PKD1L3: variants seen among roughly 807,000 people sequenced by gnomAD.
PKD1L3 encodes polycystin 1 like 3, transient receptor potential channel interacting, also known as polycystin-1-like protein 3.
A neutral mutation model predicts 184.1 loss-of-function variants in PKD1L3; 239 were observed. That is an observed-to-expected ratio of 1.30 (90% CI 1.17 to 1.45). The LOEUF is 1.45. Ranked by LOEUF, PKD1L3 falls within the 40% of genes most tolerant of loss-of-function variation. The pLI is 0.00. For synonymous variants in PKD1L3, 996 were observed against 778.8 expected (o/e 1.28, Z -4.64); for missense variants, 2,660 against 2,067.2 (o/e 1.29, Z -5.56).
At chr16:71,950,735 CTCT>C (rs1182553409) in intron 19 of PKD1L3, among the ~76,000 whole-genome samples, 2 of 76,756 alleles carry the variant, frequency 2.6e-5, no homozygotes, top group Non-Finnish European at 4.7e-5. Context: ...TTGTATTTCT[CTCT>C]TTTTTTTTTT....
At chr16:71,943,153 T>A (rs900233070) in intron 23 of PKD1L3, 129 bp from the exon 24 acceptor site, 6 of 652,526 alleles carry the variant, frequency 9.2e-6, no homozygotes, top group African/African-American at 1.8e-5. Flanking sequence ...CTGTTTCATA[T>A]GGTTCAATCT....
chr16:71,931,535 G>C (rs2037968162), intron 28 of PKD1L3, among the ~76,000 whole-genome samples: 1 of 145,036 alleles, frequency 6.9e-6, no homozygotes, highest in Non-Finnish European at 1.5e-5. Context: ...CGTGATCTTG[G>C]CTCACTGCAA....
intron 23 of PKD1L3, among the ~76,000 whole-genome samples, chr16:71,943,828 A>C (rs1378932629): frequency 6.6e-6 from 1 of 152,228 alleles, no homozygotes; most frequent in South Asian, 2.1e-4. Flanking sequence ...ACTCAAGCAC[A>C]CAATAAAACC....
intron 23 of PKD1L3, 48 bp downstream of exon 23, chr16:71,943,982 C>G: frequency 6.7e-7 from 1 of 1,499,362 alleles, no homozygotes; most frequent in Non-Finnish European, 9.0e-7. Flanking sequence ...CCTTTCCCTT[C>G]TGGAAAAGGT....
intron 11 of PKD1L3, among the ~76,000 whole-genome samples, chr16:71,975,380 A>G (rs1373716302): frequency 6.6e-6 from 1 of 152,084 alleles, no homozygotes; most frequent in Non-Finnish European, 1.5e-5. Flanking sequence ...CTGTAATGTT[A>G]TGTCTCAGAA....
intron 16 of PKD1L3, 39 bp from the exon 17 acceptor site, chr16:71,954,340 T>C: frequency 3.5e-6 from 5 of 1,443,214 alleles, no homozygotes; most frequent in South Asian, 2.8e-5. Context: ...CATGAGATTT[T>C]ATTCTGAAAG....
Position 71,999,732 on chromosome 16 carries a change from C to T in PKD1L3, c.247G>A (p.Gly83Arg), listed in dbSNP as rs976024738. The part of the protein sequence containing the change: ...YLEEGKKWWI[G>R]QNVMPLKKHQ... Reference sequence around the variant, plus strand: ...TTTTTCAATGGCATTACATTTTGCCCAATCCACCACTTCTTTCCTTCTTCC... The same window carrying T: ...TTTTTCAATGGCATTACATTTTGCCTAATCCACCACTTCTTTCCTTCTTCC... Residue 83 changes from glycine (G) to arginine (R), a missense_variant, in exon 1 of 30, where the codon GGG becomes AGG. By Grantham distance (125) the Gly-to-Arg change is moderately radical. Transcript: ENST00000620267. 6.4e-7 allele frequency: 1 copy of T among 1,551,122 alleles called. No individual in the cohort carries two copies. The highest frequency in any genetic ancestry group is 8.7e-7 in the Non-Finnish European group (1 of 1,146,730).
chr16:71,976,262 G>GTATTTTT (rs1567534640), intron 11 of PKD1L3, among the ~76,000 whole-genome samples: 1 of 25,206 alleles, frequency 4.0e-5, no homozygotes, highest in African/African-American at 1.7e-4. Context: ...TGCCCAGCCT[G>GTATTTTT]TCTTTTTTTT....
chr16:71,967,136 C>G lies in PKD1L3; in HGVS notation c.2465+1G>C, dbSNP rs1412752585. 6.4e-7 allele frequency: 1 copy of G among 1,551,378 alleles called. No homozygotes were observed. The highest frequency in any genetic ancestry group is 2.4e-5 in the East Asian group (1 of 40,922). On this transcript the variant is annotated splice_donor_variant, in intron 15 of 29. Coordinates refer to ENST00000620267, the MANE Select transcript of PKD1L3 (RefSeq NM_181536.2). LOFTEE classifies it high-confidence loss of function. ...ACAGCCAACAGGATATAAGTACTCA[C>G]CAGGAGGGACTGACGCCAGAATTGT... is the stretch of plus-strand genomic sequence containing the variant.
intron 4 of PKD1L3, among the ~76,000 whole-genome samples, chr16:71,988,099 G>C (rs1244868405): frequency 6.6e-6 from 1 of 152,064 alleles, no homozygotes; most frequent in Non-Finnish European, 1.5e-5. Context: ...GGATCCTTCT[G>C]TGTTTTAAAT....
intron 12 of PKD1L3, 39 bp downstream of exon 12, chr16:71,973,285 T>C: frequency 1.3e-6 from 2 of 1,539,302 alleles, no homozygotes; most frequent in Non-Finnish European, 1.8e-6. Context: ...ACAGTAGCTA[T>C]GGCAGAAGAG....
chr16:71,941,581 C>CTTTTTT (rs35509080), intron 24 of PKD1L3, among the ~76,000 whole-genome samples: 2 of 102,218 alleles, frequency 2.0e-5, no homozygotes, highest in African/African-American at 3.7e-5. Flanking sequence ...CTATGACATT[C>CTTTTTT]TTTTTTTTTT....
chr16:71,929,567 C>T lies in PKD1L3; in HGVS notation c.5170G>A (p.Asp1724Asn). 6.4e-7 allele frequency: 1 copy of T among 1,551,276 alleles called. No homozygotes were observed. The highest frequency in any genetic ancestry group is 8.7e-7 in the Non-Finnish European group (1 of 1,146,878). ...GGTAGTTCATCTAAAACTTCAGTGT[C>T]ACTGCCCACTGCTGTCGTGGCTGCT... Reference protein sequence around the residue: ...EQAATTAVGSDTEVLDELP With the variant: ...EQAATTAVGSNTEVLDELP The change falls in exon 30 of 30, where the codon GAC (aspartate) becomes AAC (asparagine). Residue 1724 changes from aspartate to asparagine, a missense_variant. Coordinates refer to ENST00000620267, the MANE Select transcript of PKD1L3 (RefSeq NM_181536.2).
Position 71,942,936 on chromosome 16 carries a change from C to G in PKD1L3, c.3948G>C (p.Lys1316Asn). The G allele has an allele frequency of 6.4e-7, 1 of 1,551,554 alleles. No individual in the cohort carries two copies. ...NRFYLHQAIW[K>N]TFSHQFSEIK... ...TTTCCGAGAACTGGTGCGAAAATGT[C>G]TTCCAGATAGCTTGGTGGAGGTAAA... Residue 1316 changes from lysine (K) to asparagine (N), a missense_variant, in exon 24 of 30, where the codon AAG (lysine) becomes AAC (asparagine). Lys to Asn is a moderately conservative substitution (Grantham distance 94). Coordinates refer to ENST00000620267, the MANE Select transcript of PKD1L3 (RefSeq NM_181536.2).
At chr16:71,977,498 G>T in intron 10 of PKD1L3, 31 bp from the exon 11 acceptor site, 7 of 1,470,792 alleles carry the variant, frequency 4.8e-6, no homozygotes, top group Non-Finnish European at 6.5e-6. Flanking sequence ...TCATTATAAT[G>T]GTCCATCCAT....
At chr16:71,949,693 C>G in intron 21 of PKD1L3, 90 bp downstream of exon 21, 1 of 1,215,240 alleles carries the variant, frequency 8.2e-7, no homozygotes, top group Non-Finnish European at 1.2e-6. Context: ...GTTACATTGT[C>G]AAAACCACTA....
chr16:71,954,483 C>T (rs558456497), intron 16 of PKD1L3, among the ~76,000 whole-genome samples, 182 bp from the exon 17 acceptor site: 1 of 151,972 alleles, frequency 6.6e-6, no homozygotes, highest in South Asian at 2.1e-4. Flanking sequence ...TACCATCACC[C>T]GAATGTGTCC....
intron 25 of PKD1L3, among the ~76,000 whole-genome samples, chr16:71,936,423 G>A (rs1295570757): frequency 6.6e-6 from 1 of 151,248 alleles, no homozygotes; most frequent in Non-Finnish European, 1.5e-5. Context: ...GGCTGGTCTT[G>A]AACTCCTGAC....
chr16:71,985,627 G>T (rs562710993), intron 5 of PKD1L3, among the ~76,000 whole-genome samples: 2 of 152,134 alleles, frequency 1.3e-5, no homozygotes, highest in South Asian at 4.1e-4. Flanking sequence ...TAGAGAAAAG[G>T]TCTCATAAAG....
Sources: gnomAD v4.1 joint callset for allele counts (sites outside exome capture counted in the v4.1 genomes callset) on GRCh38, gnomAD v4.1.1 for gene constraint, MANE v1.5 for transcripts, NCBI Gene and HGNC (gene_info 2026-07-23, HGNC 2026-07-21) for gene names.